The following ZNF609 variants were observed in gnomAD, a reference collection of about 807,000 sequenced individuals.
ZNF609 encodes the protein zinc finger protein 609.
Under a neutral mutation model 109.5 loss-of-function variants are expected in ZNF609, and 11 were observed. The observed-to-expected ratio is 0.10, with a 90% confidence interval of 0.06 to 0.17. The LOEUF (loss-of-function observed/expected upper bound fraction) is 0.17, where lower values mean the gene tolerates loss of function less well. ZNF609 is among the 10% of genes least tolerant of loss of function. ZNF609 has a pLI of 1.00. For missense variants in ZNF609, 1,559 were observed against 1,772.4 expected (o/e 0.88, Z 2.16); for synonymous variants, 646 against 662.0 (o/e 0.98, Z 0.37).
At chr15:64,492,401 A>T (rs115681321) in intron 1 of ZNF609, among the ~76,000 whole-genome samples, 1,575 of 152,266 alleles carry the variant, frequency 0.01, 27 homozygotes, top group African/African-American at 0.032. Context: ...GTAAAAAAAA[A>T]TTTTTTAAAC....
At chr15:64,519,624 T>A (rs990972379) in intron 2 of ZNF609, among the ~76,000 whole-genome samples, 1 of 152,264 alleles carries the variant, frequency 6.6e-6, no homozygotes, top group African/African-American at 2.4e-5. Context: ...ATGCCACTTA[T>A]GAACAATGGA....
chr15:64,466,000 C>T (rs947979907), intron 1 of ZNF609, among the ~76,000 whole-genome samples: 1 of 150,760 alleles, frequency 6.6e-6, no homozygotes, highest in Non-Finnish European at 1.5e-5. Flanking sequence ...CCTGTAATTC[C>T]AGCTACTCGG....
At chr15:64,611,157 T>C (rs1200258798) in intron 2 of ZNF609, among the ~76,000 whole-genome samples, 3 of 152,134 alleles carry the variant, frequency 2.0e-5, no homozygotes, top group African/African-American at 7.2e-5. Flanking sequence ...AGTTCTTTAT[T>C]CTTAGGAAGC....
chr15:64,571,820 C>A (rs1894863525), intron 2 of ZNF609, among the ~76,000 whole-genome samples: 1 of 152,152 alleles, frequency 6.6e-6, no homozygotes, highest in Admixed American at 6.5e-5. Context: ...CAGGTGCCCA[C>A]CACCACGCCT....
chr15:64,461,346 A>G (rs776778318), intron 1 of ZNF609, among the ~76,000 whole-genome samples: 1 of 151,900 alleles, frequency 6.6e-6, no homozygotes, highest in Non-Finnish European at 1.5e-5. Flanking sequence ...GTGTGCCCCT[A>G]ACAGTCTTCA....
chr15:64,672,006 C>CTTTTTTTTTT (rs771330218), intron 4 of ZNF609, among the ~76,000 whole-genome samples: 4 of 86,754 alleles, frequency 4.6e-5, no homozygotes, highest in Non-Finnish European at 6.2e-5. Flanking sequence ...GAGGCTTAGA[C>CTTTTTTTTTT]TTTTTTTTTT....
chr15:64,466,509 G>A (rs919291698), intron 1 of ZNF609, among the ~76,000 whole-genome samples: 2 of 152,180 alleles, frequency 1.3e-5, no homozygotes, highest in African/African-American at 4.8e-5. Context: ...CACAGCCCAA[G>A]TGGAGTGAAG....
chr15:64,552,675 G>A (rs1430570274), intron 2 of ZNF609, among the ~76,000 whole-genome samples: 1 of 151,874 alleles, frequency 6.6e-6, no homozygotes, highest in Admixed American at 6.6e-5. Context: ...TTTGAAACAA[G>A]GTCTTGCTGT....
At chr15:64,657,216 C>T (rs1896503069) in intron 3 of ZNF609, among the ~76,000 whole-genome samples, 1 of 148,684 alleles carries the variant, frequency 6.7e-6, no homozygotes, top group South Asian at 2.1e-4. Context: ...GCCAAGATCG[C>T]ACCACTGCAC....
intron 3 of ZNF609, among the ~76,000 whole-genome samples, chr15:64,654,875 T>A (rs1896466755): frequency 6.6e-6 from 1 of 151,022 alleles, no homozygotes; most frequent in Non-Finnish European, 1.5e-5. Context: ...GGCAGGTGGA[T>A]CACGAGGTCA....
intron 1 of ZNF609, among the ~76,000 whole-genome samples, chr15:64,461,411 C>T (rs917074407): frequency 2.0e-5 from 3 of 151,944 alleles, no homozygotes; most frequent in African/African-American, 7.3e-5. Context: ...TGGGCCTGGA[C>T]CTCAACTGCT....
intron 2 of ZNF609, among the ~76,000 whole-genome samples, chr15:64,573,457 C>T (rs973267971): frequency 7.0e-6 from 1 of 143,436 alleles, no homozygotes; most frequent in Non-Finnish European, 1.5e-5. Flanking sequence ...CGGGTTCATA[C>T]CATTCTCCTG....
Position 64,675,962 on chromosome 15 carries a change from C to G in ZNF609, c.3108C>G (p.Leu1036=). ...GCCTGAAGGAGCGGGAGGCAGCACTCAAGGAAGAGTGGAAGCAAAAGCCGT... is the reference window on the plus strand; with the variant it reads ...GCCTGAAGGAGCGGGAGGCAGCACTGAAGGAAGAGTGGAAGCAAAAGCCGT... The part of the protein sequence containing the change: ...EMGLKEREAA[L]KEEWKQKPSI... The change falls in exon 5 of 10, where the codon CTC becomes CTG. Residue 1036 remains leucine, a synonymous_variant. Transcript: ENST00000326648. 1 of 1,614,134 alleles carries G rather than the reference C, an allele frequency of 6.2e-7. No individual in the cohort carries two copies. The highest frequency in any genetic ancestry group is 1.1e-5 in the South Asian group (1 of 91,084).
chr15:64,586,696 C>T (rs1455916058), intron 2 of ZNF609, among the ~76,000 whole-genome samples: 2 of 151,948 alleles, frequency 1.3e-5, no homozygotes, highest in African/African-American at 4.8e-5. Context: ...GAAACTGGGC[C>T]CTGGTGCCAA....
chr15:64,502,102 G>A (rs1381718296), intron 2 of ZNF609: 2 of 152,212 alleles, frequency 1.3e-5, no homozygotes, highest in Non-Finnish European at 2.9e-5. Flanking sequence ...AAAGAAAAGG[G>A]AAAGAGACTG....
At chr15:64,536,916 G>GAAAAAA (rs60594462) in intron 2 of ZNF609, among the ~76,000 whole-genome samples, 8 of 55,400 alleles carry the variant, frequency 1.4e-4, no homozygotes, top group African/African-American at 1.4e-4. Context: ...TCTCAAAAAA[G>GAAAAAA]AAAAAAAAAA....
intron 3 of ZNF609, among the ~76,000 whole-genome samples, chr15:64,653,330 C>G (rs1201815496): frequency 6.6e-6 from 1 of 152,010 alleles, no homozygotes; most frequent in Non-Finnish European, 1.5e-5. Context: ...AGAGTTTTGT[C>G]CCCCTCATTC....
chr15:64,492,884 ATAGCAT>A (rs1486328447), intron 1 of ZNF609, among the ~76,000 whole-genome samples: 2 of 152,192 alleles, frequency 1.3e-5, no homozygotes, highest in African/African-American at 4.8e-5. Flanking sequence ...CGAATTGAGT[ATAGCAT>A]TTTTTCTTTG....
intron 2 of ZNF609, among the ~76,000 whole-genome samples, chr15:64,555,076 A>G (rs1290576340): frequency 1.4e-5 from 2 of 147,814 alleles, no homozygotes; most frequent in African/African-American, 2.5e-5. Context: ...AACCTGAGCA[A>G]CAGAACAAGA....
Sources: gnomAD v4.1 joint callset for allele counts (sites outside exome capture counted in the v4.1 genomes callset) on GRCh38, gnomAD v4.1.1 for gene constraint, MANE v1.5 for transcripts, NCBI Gene and HGNC (gene_info 2026-07-23, HGNC 2026-07-21) for gene names.